The following SEPTIN2 variants were observed in gnomAD, a reference collection of about 807,000 sequenced individuals.
SEPTIN2 encodes the protein septin-2.
A neutral mutation model predicts 46.5 loss-of-function variants in SEPTIN2; 34 were observed. The observed-to-expected ratio is 0.73, with a 90% CI of 0.56 to 0.97. The LOEUF (loss-of-function observed/expected upper bound fraction) is 0.97. Among genes scored for constraint, SEPTIN2 ranks in the 50% least tolerant of loss-of-function variants. The pLI is 0.00. For missense variants in SEPTIN2, 347 were observed against 448.4 expected (o/e 0.77, Z 2.04); for synonymous variants, 175 against 153.4 (o/e 1.14, Z -1.04).
chr2:241,350,702 A>G (rs1023301437), intron 12 of SEPTIN2, among the ~76,000 whole-genome samples: 1 of 152,178 alleles, frequency 6.6e-6, no homozygotes, highest in Admixed American at 6.5e-5. Context: ...TGTTCCTCAG[A>G]TAGCTTTGTC....
At chr2:241,319,792 C>T (rs6717633) in intron 1 of SEPTIN2, among the ~76,000 whole-genome samples, 33 of 152,194 alleles carry the variant, frequency 2.2e-4, no homozygotes, top group African/African-American at 7.0e-4. Context: ...CAGTGTTTCA[C>T]CATGTTGTCC....
chr2:241,327,906 A>G (rs1038370751), intron 3 of SEPTIN2, among the ~76,000 whole-genome samples: 19 of 152,086 alleles, frequency 1.2e-4, no homozygotes, highest in African/African-American at 4.3e-4. Flanking sequence ...TATAAAAATT[A>G]GCCAGCCTTG....
At chr2:241,321,282 T>G (rs79472012) in intron 1 of SEPTIN2, among the ~76,000 whole-genome samples, 2,486 of 152,304 alleles carry the variant, frequency 0.016, 44 homozygotes, top group African/African-American at 0.043. Context: ...TTTTTTAAGT[T>G]TGTATTTTTC....
intron 11 of SEPTIN2, among the ~76,000 whole-genome samples, chr2:241,349,645 AC>A (rs769139790): frequency 5.9e-5 from 9 of 151,734 alleles, no homozygotes; most frequent in Non-Finnish European, 1.3e-4. Flanking sequence ...ATGTGGTGAA[AC>A]CCCGTCTCTA....
intron 3 of SEPTIN2, among the ~76,000 whole-genome samples, chr2:241,333,428 CATT>C (rs1362034541): frequency 3.9e-5 from 6 of 152,202 alleles, no homozygotes; most frequent in Non-Finnish European, 8.8e-5. Flanking sequence ...ATGTTCAACA[CATT>C]GTTTTGTTCT....
chr2:241,327,243 T>C (rs2149924172), intron 3 of SEPTIN2, among the ~76,000 whole-genome samples: 1 of 151,356 alleles, frequency 6.6e-6, no homozygotes, highest in South Asian at 2.1e-4. Flanking sequence ...ACTCTATTAC[T>C]TAAAGGAAAG....
chr2:241,339,723 C>T (rs919196705), intron 7 of SEPTIN2, among the ~76,000 whole-genome samples: 1 of 152,078 alleles, frequency 6.6e-6, no homozygotes, highest in South Asian at 2.1e-4. Context: ...CTAGTGATAC[C>T]CTCTGCCTGG....
At position 241,317,590 on chromosome 2, in the gene SEPTIN2, C is replaced by T. The variant is rs965150069; in HGVS notation, c.-18+1608C>T. The T allele has an allele frequency of 2.4e-5, 24 of 981,372 alleles. No homozygotes were observed. The African/African-American group carries it at 4.1e-4, about 17-fold the overall frequency. 60.8% of individuals were successfully genotyped at this position (981,372 alleles called of 1,614,324 possible). A position where few individuals can be genotyped will look rare whatever the true frequency, so the allele number is the denominator to read the frequency against. On this transcript the variant is annotated intron_variant, in intron 1 of 12. Transcript: ENST00000391971. ...GGGGACACCAAAACTCATTTGGCAG[C>T]AGAGGTGAGGTAAGGCCATTTGTAT...
At chr2:241,319,197 G>C (rs2076789717) in intron 1 of SEPTIN2, among the ~76,000 whole-genome samples, 1 of 152,204 alleles carries the variant, frequency 6.6e-6, no homozygotes, top group Non-Finnish European at 1.5e-5. Flanking sequence ...TTGGATATTT[G>C]ATTGCATTAA....
chr2:241,333,315 C>G (rs1183355431), intron 3 of SEPTIN2, among the ~76,000 whole-genome samples: 1 of 152,076 alleles, frequency 6.6e-6, no homozygotes, highest in African/African-American at 2.4e-5. Context: ...TTTTGTCAGA[C>G]TTCTAAAGAA....
chr2:241,333,480 C>G (rs2079366765), intron 3 of SEPTIN2, among the ~76,000 whole-genome samples: 1 of 152,208 alleles, frequency 6.6e-6, no homozygotes, highest in East Asian at 1.9e-4. Context: ...AAAATGCAGT[C>G]CTAATTTTGT....
intron 1 of SEPTIN2, among the ~76,000 whole-genome samples, chr2:241,323,977 A>G (rs2077537317): frequency 6.6e-6 from 1 of 152,224 alleles, no homozygotes; most frequent in Non-Finnish European, 1.5e-5. Context: ...TAATATATAC[A>G]TCTAAACACA....
intron 11 of SEPTIN2, among the ~76,000 whole-genome samples, chr2:241,348,574 G>A (rs890442334): frequency 1.3e-5 from 2 of 151,954 alleles, no homozygotes; most frequent in African/African-American, 2.4e-5. Flanking sequence ...GTTTACATCC[G>A]TAGATATCAT....
chr2:241,330,029 C>T (rs2078731772), intron 3 of SEPTIN2, among the ~76,000 whole-genome samples: 1 of 152,166 alleles, frequency 6.6e-6, no homozygotes, highest in Non-Finnish European at 1.5e-5. Context: ...AATTATGCTT[C>T]TAAGAGAAGT....
rs977163529 is a variant in SEPTIN2 at position 241,344,902 on chromosome 2, GACATGGTGAAACCAGCCTGGCCA to G, written c.842+1019_842+1041del. Among the ~76,000 whole-genome samples, 11 of 151,648 alleles carry G rather than the reference GACATGGTGAAACCAGCCTGGCCA, an allele frequency of 7.3e-5. No individual in the cohort carries two copies. The South Asian group carries it at 1.9e-3, about 26-fold the overall frequency. Reference sequence around the variant, plus strand: ...CTGACATGGTGAAACCAGCCTGGCCGACATGGTGAAACCAGCCTGGCCAACATGGTGAAACCCTGTCTCTACTA... The same window carrying G: ...CTGACATGGTGAAACCAGCCTGGCCGACATGGTGAAACCCTGTCTCTACTA... On this transcript the variant is annotated intron_variant, in intron 9 of 12. Transcript: ENST00000391971.
intron 3 of SEPTIN2, among the ~76,000 whole-genome samples, chr2:241,333,555 G>A (rs746371391): frequency 2.0e-5 from 3 of 152,156 alleles, no homozygotes; most frequent in Admixed American, 6.5e-5. Flanking sequence ...AGTCGCCCAC[G>A]CTGGAGTGCA....
chr2:241,323,605 T>G (rs890086329), intron 1 of SEPTIN2, among the ~76,000 whole-genome samples: 1 of 152,216 alleles, frequency 6.6e-6, no homozygotes, highest in Non-Finnish European at 1.5e-5. Context: ...GCTTGTCTTA[T>G]TCCTAGGGAA....
chr2:241,343,674 G>A, intron 8 of SEPTIN2, 78 bp from the exon 9 acceptor site: 3 of 1,532,606 alleles, frequency 2.0e-6, no homozygotes, highest in Non-Finnish European at 2.7e-6. Context: ...TGTTAAGTCT[G>A]TGCTAATGTT....
chr2:241,344,208 G>C (rs374420623), intron 9 of SEPTIN2, among the ~76,000 whole-genome samples: 1 of 152,038 alleles, frequency 6.6e-6, no homozygotes, highest in African/African-American at 2.4e-5. Flanking sequence ...CCTAAACTGG[G>C]GTCTGAGAGG....
Sources: gnomAD v4.1 joint callset for allele counts (sites outside exome capture counted in the v4.1 genomes callset) on GRCh38, gnomAD v4.1.1 for gene constraint, MANE v1.5 for transcripts, NCBI Gene and HGNC (gene_info 2026-07-23, HGNC 2026-07-21) for gene names.